PDE7B: variants seen among roughly 807,000 people sequenced by gnomAD.
The protein encoded by PDE7B is 3',5'-cyclic-AMP phosphodiesterase 7B.
In PDE7B, 29 loss-of-function variants were observed where a neutral mutation model predicts 56.2. That is an observed-to-expected ratio of 0.52 (90% confidence interval 0.38 to 0.70). PDE7B has a LOEUF of 0.70. Ranked by LOEUF, PDE7B falls within the 30% of genes least tolerant of loss-of-function variation. PDE7B has a pLI of 0.00. For synonymous variants in PDE7B, 197 were observed against 196.9 expected (o/e 1.00, Z 0.00); for missense variants, 490 against 565.0 (o/e 0.87, Z 1.35).
intron 6 of PDE7B, among the ~76,000 whole-genome samples, chr6:136,152,022 G>C (rs1485249882): frequency 6.6e-6 from 1 of 152,140 alleles, no homozygotes; most frequent in Non-Finnish European, 1.5e-5. Flanking sequence ...TCATCATAAA[G>C]CTCTTCATCC....
At chr6:136,153,968 T>C in intron 6 of PDE7B, 107 bp from the exon 7 acceptor site, 1 of 696,654 alleles carries the variant, frequency 1.4e-6, no homozygotes. Context: ...TGCTGCACAT[T>C]TTGGAGGCAC....
At chr6:136,084,520 G>A (rs2128215476) in intron 2 of PDE7B, among the ~76,000 whole-genome samples, 1 of 152,306 alleles carries the variant, frequency 6.6e-6, no homozygotes, top group Middle Eastern at 3.4e-3. Flanking sequence ...TTACCTCAAT[G>A]ATTAATATGC....
At chr6:135,894,907 C>A (rs1298788790) in intron 1 of PDE7B, among the ~76,000 whole-genome samples, 1 of 151,890 alleles carries the variant, frequency 6.6e-6, no homozygotes, top group Admixed American at 6.6e-5. Context: ...TTAGAGTTTT[C>A]TTTAAGGAAA....
At chr6:136,154,268 TG>T in intron 7 of PDE7B, 93 bp downstream of exon 7, 1 of 697,144 alleles carries the variant, frequency 1.4e-6, no homozygotes, top group Non-Finnish European at 2.6e-6. Context: ...TGAGTAACTA[TG>T]TTATGTGTCA....
chr6:136,117,784 G>T (rs1167025304), intron 3 of PDE7B, among the ~76,000 whole-genome samples: 1 of 152,154 alleles, frequency 6.6e-6, no homozygotes, highest in African/African-American at 2.4e-5. Flanking sequence ...TGGAAGCACA[G>T]GAGGATTGCT....
chr6:135,914,710 C>A (rs1308171366), intron 1 of PDE7B, among the ~76,000 whole-genome samples: 2 of 39,482 alleles, frequency 5.1e-5, no homozygotes, highest in Non-Finnish European at 7.9e-5. Context: ...AGGATGGTCT[C>A]GATCTCCTGA....
At chr6:136,087,661 G>A (rs1368188574) in intron 2 of PDE7B, among the ~76,000 whole-genome samples, 3 of 152,104 alleles carry the variant, frequency 2.0e-5, no homozygotes, top group African/African-American at 7.2e-5. Flanking sequence ...AGTATGCTAA[G>A]GCATGCAAAG....
chr6:136,061,133 A>C (rs918717458), intron 2 of PDE7B, among the ~76,000 whole-genome samples: 5 of 152,120 alleles, frequency 3.3e-5, no homozygotes, highest in Non-Finnish European at 7.4e-5. Context: ...TTTATTTTCA[A>C]ATGAATCAAT....
chr6:136,142,377 A>T (rs1324450352), intron 3 of PDE7B, among the ~76,000 whole-genome samples: 2 of 152,176 alleles, frequency 1.3e-5, no homozygotes, highest in Non-Finnish European at 2.9e-5. Flanking sequence ...ACTTCCAAGT[A>T]TGTGGTGAAT....
chr6:135,935,212 A>T (rs1229452213), intron 1 of PDE7B, among the ~76,000 whole-genome samples: 2 of 92,272 alleles, frequency 2.2e-5, no homozygotes, highest in African/African-American at 1.0e-4. Context: ...ATATATATAT[A>T]TATATTTTCA....
At chr6:136,187,213 C>T (rs1779158091) in intron 12 of PDE7B, 97 bp downstream of exon 12, 11 of 701,096 alleles carry the variant, frequency 1.6e-5, no homozygotes, top group Non-Finnish European at 2.5e-5. Context: ...AAAAGATCAG[C>T]ACTGGAGGTT....
intron 3 of PDE7B, among the ~76,000 whole-genome samples, chr6:136,138,911 C>A (rs974208347): frequency 2.6e-5 from 4 of 152,098 alleles, no homozygotes; most frequent in Non-Finnish European, 1.5e-5. Flanking sequence ...TACAAGGCAT[C>A]ATAGAAAATT....
chr6:136,007,845 T>A (rs1212823989), intron 2 of PDE7B, among the ~76,000 whole-genome samples: 6 of 152,048 alleles, frequency 3.9e-5, no homozygotes, highest in East Asian at 1.9e-4. Context: ...CTTTTTTTTT[T>A]ATTATACTTT....
intron 3 of PDE7B, among the ~76,000 whole-genome samples, chr6:136,145,569 C>G (rs959920115): frequency 6.6e-5 from 10 of 152,124 alleles, no homozygotes; most frequent in African/African-American, 1.9e-4. Flanking sequence ...GCACACAATA[C>G]AATGTGCTCA....
intron 2 of PDE7B, among the ~76,000 whole-genome samples, chr6:136,057,222 G>A (rs1014693032): frequency 5.3e-5 from 8 of 152,270 alleles, no homozygotes; most frequent in African/African-American, 1.7e-4. Flanking sequence ...ATATTAAGTT[G>A]CCTTTTTATC....
intron 2 of PDE7B, chr6:136,038,180 T>TGTG (rs1380064556): frequency 1.5e-6 from 2 of 1,298,622 alleles, no homozygotes; most frequent in South Asian, 2.4e-5. Flanking sequence ...GAATTTCCCC[T>TGTG]GTGGTAGCAG....
intron 1 of PDE7B, among the ~76,000 whole-genome samples, chr6:135,897,442 G>C (rs1775922436): frequency 6.6e-6 from 1 of 152,108 alleles, no homozygotes; most frequent in African/African-American, 2.4e-5. Flanking sequence ...CAGAGTGAAT[G>C]GCCCTATTTT....
At chr6:136,149,933 A>C (rs1778482739) in intron 5 of PDE7B, among the ~76,000 whole-genome samples, 1 of 152,190 alleles carries the variant, frequency 6.6e-6, no homozygotes, top group Non-Finnish European at 1.5e-5. Flanking sequence ...ACAGTGTGGA[A>C]AGAAAACTAG....
rs1383201939 is a variant in PDE7B at position 135,968,458 on chromosome 6, GA to G, written c.82+20942del. On this transcript the variant is annotated intron_variant, in intron 2 of 12. Transcript: ENST00000308191. ...ACAAGGAACTTAAACAAATTTGCAA[GA>G]AAAAAAATTAAGAAAGTGGGCAAAT... Among the ~76,000 whole-genome samples the G allele has an allele frequency of 5.9e-5, 9 of 151,822 alleles. No individual in the cohort carries two copies. The South Asian group carries it at 6.2e-4, about 11-fold the overall frequency.
Sources: allele counts gnomAD v4.1 joint callset (sites outside exome capture counted in the v4.1 genomes callset), GRCh38; gene constraint gnomAD v4.1.1; transcripts MANE v1.5; gene names NCBI Gene and HGNC (gene_info 2026-07-23, HGNC 2026-07-21).